The following TMPRSS15 variants were observed in gnomAD, a reference collection of about 807,000 sequenced individuals.
TMPRSS15 encodes transmembrane serine protease 15, also known as enteropeptidase.
In TMPRSS15, 128 loss-of-function variants were observed where a neutral mutation model predicts 125.3. The ratio of observed to expected loss-of-function variants is 1.02; its 90% CI spans 0.89 to 1.18. TMPRSS15 has a LOEUF of 1.18. TMPRSS15 is among the 50% of genes most tolerant of loss of function. The pLI, the probability that TMPRSS15 is intolerant of heterozygous loss-of-function variation, is 0.00. For synonymous variants in TMPRSS15, 446 were observed against 423.2 expected (o/e 1.05, Z -0.66); for missense variants, 1,283 against 1,212.7 (o/e 1.06, Z -0.86).
At chr21:18,298,066 G>T (rs1409741778) in intron 18 of TMPRSS15, among the ~76,000 whole-genome samples, 1 of 152,090 alleles carries the variant, frequency 6.6e-6, no homozygotes, top group African/African-American at 2.4e-5. Flanking sequence ...AATATCTTTA[G>T]TCTTTGTTTG....
intron 1 of TMPRSS15, among the ~76,000 whole-genome samples, chr21:18,418,204 C>A (rs961885717): frequency 6.6e-6 from 1 of 152,160 alleles, no homozygotes; most frequent in Non-Finnish European, 1.5e-5. Flanking sequence ...TTAATGCTTG[C>A]TACTAGCTGG....
chr21:18,443,277 C>T (rs919907385), intron 1 of TMPRSS15, among the ~76,000 whole-genome samples: 1 of 152,134 alleles, frequency 6.6e-6, no homozygotes, highest in African/African-American at 2.4e-5. Flanking sequence ...GCAGGCCGAT[C>T]GGCTGAGAAA....
At chr21:18,412,108 A>G (rs947412208) in intron 1 of TMPRSS15, among the ~76,000 whole-genome samples, 23 of 152,318 alleles carry the variant, frequency 1.5e-4, no homozygotes, top group African/African-American at 5.3e-4. Flanking sequence ...CCAATTCACA[A>G]TTCTATGATT....
upstream of TMPRSS15, among the ~76,000 whole-genome samples, chr21:18,406,260 G>C (rs1307911299): frequency 6.6e-6 from 1 of 152,096 alleles, no homozygotes; most frequent in Non-Finnish European, 1.5e-5. Flanking sequence ...GGGGGAAATA[G>C]AGTGGAATAT....
rs765984802 is a variant in TMPRSS15 at position 18,353,784 on chromosome 21, A to G, written c.960T>C (p.Asp320=). 14 of 1,611,796 alleles carry G rather than the reference A, an allele frequency of 8.7e-6. No homozygotes were observed. The East Asian group carries it at 2.7e-4, about 31-fold the overall frequency. Residue 320 remains aspartate (D), a synonymous_variant, in exon 9 of 25, where the codon GAT becomes GAC. Coordinates refer to ENST00000284885, the MANE Select transcript of TMPRSS15 (RefSeq NM_002772.3). ...QVTATFLIES[D]ESDYVGFNAT... Reference sequence around the variant, plus strand: ...CATTAAAGCCAACATAATCACTTTCATCAGATTCTATAAGAAAGGTGGCAG... The same window carrying G: ...CATTAAAGCCAACATAATCACTTTCGTCAGATTCTATAAGAAAGGTGGCAG...
chr21:18,270,234 G>A, intron 24 of TMPRSS15, 110 bp from the exon 25 acceptor site: 1 of 954,588 alleles, frequency 1.0e-6, no homozygotes, highest in Non-Finnish European at 1.6e-6. Context: ...TAAAAAATAT[G>A]ATTTAATTGC....
intron 1 of TMPRSS15, among the ~76,000 whole-genome samples, chr21:18,464,172 C>CAAAAAA (rs1163284712): frequency 2.7e-5 from 1 of 37,176 alleles, no homozygotes; most frequent in Admixed American, 2.9e-4. Flanking sequence ...GACTCCGTCT[C>CAAAAAA]AAAAAAAAAA....
chr21:18,279,093 C>A, intron 22 of TMPRSS15, 34 bp from the exon 23 acceptor site: 1 of 1,117,814 alleles, frequency 8.9e-7, no homozygotes, highest in Non-Finnish European at 1.4e-6. Context: ...AACGAACAAA[C>A]GAAGAAAAAG....
chr21:18,293,703 T>C (rs2824717), intron 21 of TMPRSS15, among the ~76,000 whole-genome samples: 71,381 of 152,044 alleles, frequency 0.47, 18,833 homozygotes, highest in African/African-American at 0.71. Context: ...TATTATAGTA[T>C]AAAACAGAGT....
intron 21 of TMPRSS15, among the ~76,000 whole-genome samples, chr21:18,289,234 C>T (rs932291326): frequency 1.4e-4 from 21 of 152,116 alleles, no homozygotes; most frequent in African/African-American, 3.9e-4. Flanking sequence ...ATAAATAGGC[C>T]GGGCACAGTG....
chr21:18,312,930 A>C lies in TMPRSS15; in HGVS notation c.2165+15T>G. 1 of 1,613,196 alleles carries C rather than the reference A, an allele frequency of 6.2e-7. No individual in the cohort carries two copies. The highest frequency in any genetic ancestry group is 8.5e-7 in the Non-Finnish European group (1 of 1,179,240). ...TTGCAAATCTCTTAAAAAGGAACTC[A>C]GTAGAATTACTTACCCTAGTCCCAG... On this transcript the variant is annotated intron_variant, in intron 18 of 24. Transcript: ENST00000284885.
chr21:18,466,326 C>A (rs1978659350), intron 1 of TMPRSS15, among the ~76,000 whole-genome samples: 1 of 152,060 alleles, frequency 6.6e-6, no homozygotes, highest in Admixed American at 6.6e-5. Flanking sequence ...AAAACCTAGG[C>A]ATTACCATTC....
intron 10 of TMPRSS15, among the ~76,000 whole-genome samples, chr21:18,348,735 T>C (rs1485712372): frequency 6.6e-6 from 1 of 152,196 alleles, no homozygotes; most frequent in Non-Finnish European, 1.5e-5. Flanking sequence ...ATTTTGAAAA[T>C]TGAGCAGAGT....
chr21:18,453,266 G>A (rs1372897618), intron 1 of TMPRSS15, among the ~76,000 whole-genome samples: 1 of 152,080 alleles, frequency 6.6e-6, no homozygotes, highest in African/African-American at 2.4e-5. Context: ...AAATAAATCT[G>A]ATTATATTTC....
chr21:18,349,651 T>TA (rs2075543975), intron 10 of TMPRSS15, among the ~76,000 whole-genome samples: 1 of 152,172 alleles, frequency 6.6e-6, no homozygotes, highest in South Asian at 2.1e-4. Context: ...GACTGGTTGA[T>TA]TATGAAATCA....
intron 24 of TMPRSS15, among the ~76,000 whole-genome samples, chr21:18,274,532 C>T (rs10084622): frequency 0.28 from 42,319 of 152,074 alleles, 8,180 homozygotes; most frequent in African/African-American, 0.55. Context: ...GGTCAAGAGC[C>T]ATTGACACTT....
intron 1 of TMPRSS15, among the ~76,000 whole-genome samples, chr21:18,427,434 C>G (rs1351141290): frequency 6.6e-6 from 1 of 152,182 alleles, no homozygotes; most frequent in African/African-American, 2.4e-5. Flanking sequence ...AAATTCTTAA[C>G]TGTTTATTTC....
At chr21:18,460,368 T>G (rs1483016491) in intron 1 of TMPRSS15, among the ~76,000 whole-genome samples, 1 of 152,132 alleles carries the variant, frequency 6.6e-6, no homozygotes, top group Non-Finnish European at 1.5e-5. Context: ...CTTTCTCGAG[T>G]GGAACACAAG....
At chr21:18,365,366 A>G in intron 6 of TMPRSS15, 118 bp from the exon 7 acceptor site, 1 of 804,616 alleles carries the variant, frequency 1.2e-6, no homozygotes, top group Non-Finnish European at 2.1e-6. Flanking sequence ...ATGAAACTGA[A>G]ATGATAGTAA....
Sources: gnomAD v4.1 joint callset for allele counts (sites outside exome capture counted in the v4.1 genomes callset) on GRCh38, gnomAD v4.1.1 for gene constraint, MANE v1.5 for transcripts, NCBI Gene and HGNC (gene_info 2026-07-23, HGNC 2026-07-21) for gene names.